The following PARD3B variants were observed in gnomAD, a reference collection of about 807,000 sequenced individuals.
PARD3B encodes par-3 family cell polarity regulator beta, also known as partitioning defective 3 homolog B.
In PARD3B, 103 loss-of-function variants were observed where a neutral mutation model predicts 130.2. That is an observed-to-expected ratio of 0.79 (90% CI 0.67 to 0.93). The LOEUF is 0.93. Ranked by LOEUF, PARD3B falls within the 40% of genes least tolerant of loss-of-function variation. The pLI, the probability that PARD3B is intolerant of heterozygous loss-of-function variation, is 0.00. For synonymous variants in PARD3B, 583 were observed against 553.2 expected, an observed-to-expected ratio of 1.05 and a Z score of -0.76; for missense variants, 1,609 against 1,499.2, an observed-to-expected ratio of 1.07 and a Z score of -1.21.
intron 2 of PARD3B, among the ~76,000 whole-genome samples, chr2:204,757,322 C>G (rs2040719110): frequency 6.6e-6 from 1 of 152,104 alleles, no homozygotes; most frequent in Non-Finnish European, 1.5e-5. Context: ...TTTTTAGTTC[C>G]TTGAGGAATC....
At chr2:204,598,684 AC>A (rs920378571) in intron 1 of PARD3B, among the ~76,000 whole-genome samples, 1 of 152,108 alleles carries the variant, frequency 6.6e-6, no homozygotes, top group African/African-American at 2.4e-5. Flanking sequence ...ATTAAGCAGT[AC>A]CCCATTGTTC....
At chr2:204,874,137 C>G (rs913937194) in intron 2 of PARD3B, among the ~76,000 whole-genome samples, 6 of 152,110 alleles carry the variant, frequency 3.9e-5, no homozygotes, top group African/African-American at 1.4e-4. Context: ...TCAAAAAACT[C>G]TGTCTCAAAA....
chr2:205,459,336 T>C (rs1483061331), intron 20 of PARD3B, among the ~76,000 whole-genome samples: 1 of 152,150 alleles, frequency 6.6e-6, no homozygotes, highest in African/African-American at 2.4e-5. Context: ...TTTTTGATTA[T>C]TCTCATGAGA....
chr2:205,263,898 A>C lies in PARD3B; in HGVS notation c.2185+18076A>C. On this transcript the variant is annotated intron_variant, in intron 16 of 22. Transcript: ENST00000406610. The surrounding 1 kb of genome is among the most constrained non-coding windows in gnomAD (Gnocchi z 4.0). ...TAAGGATAAGCAAAGGCACAAGTAG[A>C]CTATTTACTAGGTTATTTTAGACAA... 6.6e-6 allele frequency among the ~76,000 whole-genome samples: 1 copy of C among 151,290 alleles called. No homozygotes were observed. Among genetic ancestry groups the C allele is most frequent in the Non-Finnish European group, 1.5e-5 (1 of 67,662 alleles).
chr2:205,597,795 C>T (rs991656824), intron 22 of PARD3B, among the ~76,000 whole-genome samples: 1 of 152,170 alleles, frequency 6.6e-6, no homozygotes, highest in African/African-American at 2.4e-5. Flanking sequence ...CAGCACAAAC[C>T]TTAAAAACCA....
intron 3 of PARD3B, among the ~76,000 whole-genome samples, chr2:204,973,014 G>T (rs540609685): frequency 2.6e-4 from 40 of 152,252 alleles, no homozygotes; most frequent in Admixed American, 4.6e-4. Context: ...TTTGCAGTTT[G>T]TCCTTTTAAT....
chr2:205,183,578 A>AC lies in PARD3B; in HGVS notation c.1925-2184dup, dbSNP rs2035916160. On this transcript the variant is annotated intron_variant, in intron 13 of 22. Transcript: ENST00000406610. This position sits in a 1 kb window ranked among gnomAD's most constrained non-coding sequence, Gnocchi z 5.2. ...CCTTTGTGCTTCTTTCCCCCTGGTCACCTACTTAGCAGGTCTGCTTCAAGC... is the reference window on the plus strand; with the variant it reads ...CCTTTGTGCTTCTTTCCCCCTGGTCACCCTACTTAGCAGGTCTGCTTCAAGC... Among the ~76,000 whole-genome samples, 1 of 152,102 alleles carries AC rather than the reference A, an allele frequency of 6.6e-6. No homozygotes were observed. The highest frequency in any genetic ancestry group is 2.4e-5 in the African/African-American group (1 of 41,400).
At chr2:204,777,785 C>G (rs542881481) in intron 2 of PARD3B, among the ~76,000 whole-genome samples, 1 of 152,176 alleles carries the variant, frequency 6.6e-6, no homozygotes, top group Non-Finnish European at 1.5e-5. Flanking sequence ...GGCTCTGTAT[C>G]CCTACCCAAA....
chr2:204,554,729 T>A (rs1173522361), intron 1 of PARD3B, among the ~76,000 whole-genome samples: 2 of 152,104 alleles, frequency 1.3e-5, no homozygotes, highest in African/African-American at 4.8e-5. Context: ...GTCATGTCAT[T>A]CTTCTACTGA....
intron 1 of PARD3B, among the ~76,000 whole-genome samples, chr2:204,600,223 G>A (rs2033454574): frequency 6.6e-6 from 1 of 151,594 alleles, no homozygotes; most frequent in Non-Finnish European, 1.5e-5. Context: ...CTTTTGAGGT[G>A]TTATTCATAA....
chr2:204,574,494 A>G (rs2032157871), intron 1 of PARD3B, among the ~76,000 whole-genome samples: 1 of 152,194 alleles, frequency 6.6e-6, no homozygotes, highest in Non-Finnish European at 1.5e-5. Context: ...CTTGATTTTT[A>G]CACGATGGTC....
intron 22 of PARD3B, among the ~76,000 whole-genome samples, chr2:205,595,832 C>T (rs2054549580): frequency 6.6e-6 from 1 of 152,070 alleles, no homozygotes; most frequent in Non-Finnish European, 1.5e-5. Flanking sequence ...CCTGGACCCA[C>T]ATACTAGTTT....
intron 3 of PARD3B, among the ~76,000 whole-genome samples, chr2:204,997,431 G>T (rs1559339863): frequency 1.3e-5 from 2 of 152,078 alleles, no homozygotes; most frequent in African/African-American, 4.8e-5. Flanking sequence ...CTTCAGTAAG[G>T]GTTGATGATC....
chr2:205,458,034 T>C lies in PARD3B; in HGVS notation c.3044+17362T>C. Among the ~76,000 whole-genome samples, 1 of 152,190 alleles carries C rather than the reference T, an allele frequency of 6.6e-6. No individual in the cohort carries two copies. The highest frequency in any genetic ancestry group is 1.9e-4 in the East Asian group (1 of 5,200). On this transcript the variant is annotated intron_variant, in intron 20 of 22. Coordinates refer to ENST00000406610, the MANE Select transcript of PARD3B (RefSeq NM_001302769.2). This position sits in a 1 kb window ranked among gnomAD's most constrained non-coding sequence, Gnocchi z 4.8. ...CTTTTCAGATAAGGGATACTCAACC[T>C]GTAATGTATCATTTTTCTTTGACTG... is the stretch of plus-strand genomic sequence containing the variant.
At chr2:205,389,148 G>T (rs1159752810) in intron 18 of PARD3B, among the ~76,000 whole-genome samples, 1 of 151,922 alleles carries the variant, frequency 6.6e-6, no homozygotes, top group Non-Finnish European at 1.5e-5. Flanking sequence ...TTTTTTCTAA[G>T]TTTATTGGTA....
In PARD3B at chr2:205,590,124, T is replaced by A. The variant is rs1019932944; in HGVS notation, c.3261-25332T>A. 6.6e-6 allele frequency among the ~76,000 whole-genome samples: 1 copy of A among 152,234 alleles called. No homozygotes were observed. Among genetic ancestry groups the A allele is most frequent in the Non-Finnish European group, 1.5e-5 (1 of 68,044 alleles). ...ACACATGGACAATAGGTAAACATTATTGTTCTCTCTACATATTATTCCGAT... is the reference window on the plus strand; with the variant it reads ...ACACATGGACAATAGGTAAACATTAATGTTCTCTCTACATATTATTCCGAT... On this transcript the variant is annotated intron_variant, in intron 22 of 22. Coordinates refer to ENST00000406610, the MANE Select transcript of PARD3B (RefSeq NM_001302769.2). The surrounding 1 kb of genome is among the most constrained non-coding windows in gnomAD (Gnocchi z 4.1).
At chr2:205,319,833 A>C (rs2042687627) in intron 18 of PARD3B, among the ~76,000 whole-genome samples, 2 of 152,140 alleles carry the variant, frequency 1.3e-5, no homozygotes, top group African/African-American at 4.8e-5. Flanking sequence ...TCAAATGACA[A>C]TTAATGTTTT....
At chr2:204,828,250 C>T (rs541930584) in intron 2 of PARD3B, among the ~76,000 whole-genome samples, 1 of 152,232 alleles carries the variant, frequency 6.6e-6, no homozygotes, top group East Asian at 1.9e-4. Flanking sequence ...CTCTTGAATT[C>T]TGCCATATTT....
intron 21 of PARD3B, among the ~76,000 whole-genome samples, chr2:205,542,866 A>G (rs1380046672): frequency 6.6e-6 from 1 of 152,228 alleles, no homozygotes; most frequent in African/African-American, 2.4e-5. Context: ...TGTAAGGAAT[A>G]TGAAAAGCCA....
Sources: gnomAD v4.1 joint callset for allele counts (sites outside exome capture counted in the v4.1 genomes callset) on GRCh38, gnomAD v4.1.1 for gene constraint, Gnocchi (gnomAD v3.1) non-coding constraint, MANE v1.5 for transcripts, NCBI Gene and HGNC (gene_info 2026-07-23, HGNC 2026-07-21) for gene names.